Variants in TRIO observed in about 807,000 individuals in gnomAD.
TRIO encodes the protein triple functional domain protein.
In TRIO, 58 loss-of-function variants were observed where a neutral mutation model predicts 351.9. The ratio of observed to expected loss-of-function variants is 0.16; its 90% CI spans 0.13 to 0.21. TRIO has a LOEUF of 0.21. Ranked by LOEUF, TRIO falls within the 10% of genes least tolerant of loss-of-function variation. The pLI, the probability that TRIO is intolerant of heterozygous loss-of-function variation, is 1.00. For missense variants in TRIO, 3,201 were observed against 4,027.8 expected (o/e 0.79, Z 5.56); for synonymous variants, 1,758 against 1,595.7 (o/e 1.10, Z -2.42).
chr5:14,255,505 C>T (rs1424151260), intron 1 of TRIO, among the ~76,000 whole-genome samples: 1 of 152,192 alleles, frequency 6.6e-6, no homozygotes, highest in East Asian at 1.9e-4. Context: ...ATGAGTCATG[C>T]AAACTGGAGG....
At chr5:14,249,163 C>T (rs1794604922) in intron 1 of TRIO, among the ~76,000 whole-genome samples, 1 of 152,162 alleles carries the variant, frequency 6.6e-6, no homozygotes, top group African/African-American at 2.4e-5. Flanking sequence ...TGAAGGAAAA[C>T]AGTGGAAATG....
chr5:14,380,248 A>G (rs187390081), intron 20 of TRIO, among the ~76,000 whole-genome samples: 1 of 151,136 alleles, frequency 6.6e-6, no homozygotes, highest in African/African-American at 2.5e-5. Context: ...TGGTGTTCTC[A>G]GTTCCCTCTT....
intron 36 of TRIO, 51 bp downstream of exon 36, chr5:14,462,976 G>T (rs1008284970): frequency 2.7e-6 from 4 of 1,503,084 alleles, no homozygotes; most frequent in Non-Finnish European, 3.5e-6. Flanking sequence ...CAGGGGCAGG[G>T]CACGCTCGGT....
At chr5:14,258,962 T>G (rs1581466767) in intron 1 of TRIO, among the ~76,000 whole-genome samples, 1 of 152,234 alleles carries the variant, frequency 6.6e-6, no homozygotes. Flanking sequence ...GAGCCTGTGC[T>G]GCCTTCGAGT....
intron 3 of TRIO, among the ~76,000 whole-genome samples, chr5:14,282,081 T>C (rs116202577): frequency 6.6e-6 from 1 of 152,322 alleles, no homozygotes; most frequent in African/African-American, 2.4e-5. Context: ...CAGAGTATCC[T>C]TTATGAGAAA....
intron 37 of TRIO, among the ~76,000 whole-genome samples, chr5:14,468,903 C>T (rs941598399): frequency 6.6e-6 from 1 of 152,124 alleles, no homozygotes; most frequent in African/African-American, 2.4e-5. Flanking sequence ...AATGAAAGCC[C>T]CCCTGAAAAC....
At chr5:14,375,354 T>C (rs1745462306) in intron 19 of TRIO, among the ~76,000 whole-genome samples, 1 of 151,828 alleles carries the variant, frequency 6.6e-6, no homozygotes, top group African/African-American at 2.4e-5. Flanking sequence ...TTGTTGGTTG[T>C]GTCCTGTCTT....
intron 1 of TRIO, among the ~76,000 whole-genome samples, chr5:14,156,388 C>T (rs951478992): frequency 1.3e-5 from 2 of 152,146 alleles, no homozygotes; most frequent in African/African-American, 2.4e-5. Context: ...TTTAGGGCCT[C>T]TCAGTAGACA....
rs751572944 is a variant in TRIO at position 14,487,763 on chromosome 5, C to T, written c.7135C>T (p.Pro2379Ser). The T allele has an allele frequency of 5.8e-6, 8 of 1,375,570 alleles. No individual in the cohort carries two copies. The South Asian group carries it at 6.7e-5, about 12-fold the overall frequency. 85.2% of individuals were successfully genotyped at this position (1,375,570 alleles called of 1,614,324 possible). A position where few individuals can be genotyped will look rare whatever the true frequency, so the allele number is the denominator to read the frequency against. Residue 2379 changes from proline to serine, a missense_variant, in exon 48 of 57, where the codon CCT (proline) becomes TCT (serine). Pro to Ser is a moderately conservative substitution (Grantham distance 74). Around this residue, in one of 19 missense-constraint regions of TRIO, gnomAD observed 1,089 missense variants for 954.9 expected, o/e 1.14. Transcript: ENST00000344204. ...TSTPGPSLPP[P>S]GAAPEAGPSA... ...CACCCCCGGGCCCTCCCTGCCTCCC[C>T]CTGGCGCGGCCCCCGAGGCCGGCCC...
intron 1 of TRIO, among the ~76,000 whole-genome samples, chr5:14,157,419 G>GTCTCCCTCTC (rs1788165028): frequency 8.6e-6 from 1 of 115,624 alleles, no homozygotes; most frequent in East Asian, 2.5e-4. Context: ...CCCTCCCTGT[G>GTCTCCCTCTC]TCTCCCTCTC....
chr5:14,496,118 CTG>C (rs372292321), intron 49 of TRIO, among the ~76,000 whole-genome samples: 170 of 152,286 alleles, frequency 1.1e-3, no homozygotes, highest in East Asian at 0.01. Context: ...AGCAAATAAA[CTG>C]TTTTTAATTA....
chr5:14,404,138 G>A (rs1169267150), intron 31 of TRIO, among the ~76,000 whole-genome samples: 2 of 151,896 alleles, frequency 1.3e-5, no homozygotes, highest in Non-Finnish European at 2.9e-5. Flanking sequence ...CTGCTGGTGT[G>A]TGTGCTTATG....
chr5:14,388,761 G>C, intron 24 of TRIO, 82 bp downstream of exon 24: 1 of 1,449,512 alleles, frequency 6.9e-7, no homozygotes, highest in Non-Finnish European at 9.3e-7. Context: ...CCTGTTGGTA[G>C]TCCTTAGAAT....
At chr5:14,203,824 G>C (rs895984421) in intron 1 of TRIO, among the ~76,000 whole-genome samples, 7 of 152,190 alleles carry the variant, frequency 4.6e-5, no homozygotes, top group Admixed American at 4.6e-4. Flanking sequence ...GAAAGGGGTG[G>C]GGGTGGGCTG....
chr5:14,406,725 TCAAAGCAGCCCCCTCC>T (rs879337531), intron 33 of TRIO, 53 bp downstream of exon 33: 5 of 1,552,176 alleles, frequency 3.2e-6, no homozygotes, highest in Non-Finnish European at 4.4e-6. Flanking sequence ...CAGTCTCTGG[TCAAAGCAGCCCCCTCC>T]TTTCTGTTAC....
At chr5:14,367,422 G>C (rs1002616497) in intron 16 of TRIO, among the ~76,000 whole-genome samples, 1 of 152,122 alleles carries the variant, frequency 6.6e-6, no homozygotes, top group Non-Finnish European at 1.5e-5. Flanking sequence ...AGCAAGACCA[G>C]GTGTATATCA....
At chr5:14,152,332 C>T (rs908060202) in intron 1 of TRIO, among the ~76,000 whole-genome samples, 3 of 151,912 alleles carry the variant, frequency 2.0e-5, no homozygotes, top group East Asian at 1.9e-4. Flanking sequence ...AAACCCAGAT[C>T]GCATGGGGGC....
chr5:14,194,122 G>C (rs866841018), intron 1 of TRIO, among the ~76,000 whole-genome samples: 8 of 152,258 alleles, frequency 5.3e-5, no homozygotes, highest in African/African-American at 1.9e-4. Context: ...TCCCTGCATT[G>C]TCAAATTGTA....
At chr5:14,197,303 CT>C (rs34743165) in intron 1 of TRIO, among the ~76,000 whole-genome samples, 117,038 of 151,984 alleles carry the variant, frequency 0.77, 46,565 homozygotes, top group East Asian at 0.99. Context: ...TATCGAGGTG[CT>C]TCCTGTCTGT....
Sources: allele counts gnomAD v4.1 joint callset (sites outside exome capture counted in the v4.1 genomes callset), GRCh38; gene constraint gnomAD v4.1.1; regional missense constraint gnomAD v4.1.1; transcripts MANE v1.5; gene names NCBI Gene and HGNC (gene_info 2026-07-23, HGNC 2026-07-21).